Variants in SASH1 observed in about 807,000 individuals in gnomAD.
The protein encoded by SASH1 is SAM and SH3 domain-containing protein 1.
SASH1 carries 44 observed loss-of-function variants against 125.2 expected under a neutral mutation model. The ratio of observed to expected loss-of-function variants is 0.35; its 90% confidence interval spans 0.28 to 0.45. The LOEUF (loss-of-function observed/expected upper bound fraction) is 0.45. Among genes scored for constraint, SASH1 ranks in the 20% least tolerant of loss-of-function variants. The pLI is 1.00. For synonymous variants in SASH1, 639 were observed against 649.1 expected, an observed-to-expected ratio of 0.98 and a Z score of 0.24; for missense variants, 1,426 against 1,614.5, an observed-to-expected ratio of 0.88 and a Z score of 2.00.
intron 4 of SASH1, among the ~76,000 whole-genome samples, chr6:148,448,685 C>CTT (rs1394834063): frequency 1.3e-5 from 2 of 152,240 alleles, no homozygotes; most frequent in East Asian, 3.9e-4. Flanking sequence ...GCTTTGAGCT[C>CTT]TTTAGGTACT....
Position 148,545,963 on chromosome 6 carries a change from A to T in SASH1, c.3349-52A>T. 12 of 1,585,314 alleles carry T rather than the reference A, an allele frequency of 7.6e-6. No individual in the cohort carries two copies. The South Asian group carries it at 1.4e-4, about 18-fold the overall frequency. ...TATATGTGGTGTATCTTAGGGAAAGAAAAACAAAATCCTTATGACTCTTGA... is the reference window on the plus strand; with the variant it reads ...TATATGTGGTGTATCTTAGGGAAAGTAAAACAAAATCCTTATGACTCTTGA... On this transcript the variant is annotated intron_variant, in intron 18 of 19. Coordinates refer to ENST00000367467, the MANE Select transcript of SASH1 (RefSeq NM_015278.5).
chr6:148,471,303 C>G, intron 5 of SASH1, 114 bp from the exon 6 acceptor site: 1 of 665,212 alleles, frequency 1.5e-6, no homozygotes, highest in Non-Finnish European at 2.5e-6. Context: ...TTTGTGAAAT[C>G]AAAGTATTCC....
chr6:148,468,747 A>T (rs553456251), intron 5 of SASH1, 162 bp downstream of exon 5: 75 of 539,286 alleles, frequency 1.4e-4, no homozygotes, highest in East Asian at 1.3e-3. Flanking sequence ...AGGCAGTTTT[A>T]AAAAAATATA....
chr6:148,406,209 T>C (rs1055212068), intron 2 of SASH1, among the ~76,000 whole-genome samples: 3 of 152,126 alleles, frequency 2.0e-5, no homozygotes, highest in African/African-American at 7.2e-5. Flanking sequence ...AGCAATCTGC[T>C]TGTTTTTGTT....
intron 1 of SASH1, among the ~76,000 whole-genome samples, chr6:148,332,096 T>C (rs1163042024): frequency 6.6e-6 from 1 of 152,198 alleles, no homozygotes; most frequent in African/African-American, 2.4e-5. Context: ...AGTTTGCTCT[T>C]AGCTCTTCTC....
chr6:148,540,157 C>T (rs1782130896), intron 16 of SASH1, among the ~76,000 whole-genome samples: 2 of 152,162 alleles, frequency 1.3e-5, no homozygotes, highest in Non-Finnish European at 2.9e-5. Flanking sequence ...TTCTCCTTTC[C>T]TCATAGCCCC....
the SASH1 span, among the ~76,000 whole-genome samples, chr6:148,233,740 T>TAAAAAAA: frequency 8.6e-5 from 1 of 11,692 alleles, no homozygotes; most frequent in Non-Finnish European, 1.3e-4. Context: ...GCTTCCTCTC[T>TAAAAAAA]ACAAAAAAAA....
chr6:148,455,573 G>A (rs540322246), intron 4 of SASH1, among the ~76,000 whole-genome samples: 30 of 152,322 alleles, frequency 2.0e-4, no homozygotes, highest in Middle Eastern at 6.8e-3. Flanking sequence ...CTTGGAGTGA[G>A]TCTAGGTGTG....
chr6:148,406,008 C>G, intron 2 of SASH1, among the ~76,000 whole-genome samples: 1 of 152,278 alleles, frequency 6.6e-6, no homozygotes, highest in South Asian at 2.1e-4. Flanking sequence ...AACTTAGAGA[C>G]ATTTTCTGCA....
intron 2 of SASH1, chr6:148,393,544 G>A (rs1001443753): frequency 4.8e-6 from 1 of 206,626 alleles, no homozygotes; most frequent in South Asian, 1.7e-4. Flanking sequence ...ATCATCCCAT[G>A]GTGTTTGGGA....
intron 1 of SASH1, among the ~76,000 whole-genome samples, chr6:148,386,937 C>G (rs796245143): frequency 2.2e-4 from 34 of 152,106 alleles, no homozygotes; most frequent in African/African-American, 7.2e-4. Context: ...AACAAACATC[C>G]CTAGGTGAAT....
chr6:148,211,381 G>A, the SASH1 span, among the ~76,000 whole-genome samples: 1 of 151,450 alleles, frequency 6.6e-6, no homozygotes, highest in African/African-American at 2.5e-5. Context: ...GACCAGCCTG[G>A]CCAACATTGT....
rs576767257 is a variant in SASH1 at position 148,534,760 on chromosome 6, C to T, written c.1954C>T (p.Pro652Ser). ...LDRINLKEHMPTFLFNGYEDL... is the reference protein window; with the variant it reads ...LDRINLKEHMSTFLFNGYEDL... ...CTTCTCCCTCTCACAGGAGCACATG[C>T]CCACTTTCCTGTTCAATGGATATGA... The change falls in exon 16 of 20, where the codon CCC becomes TCC. Residue 652 changes from proline (P) to serine (S), a missense_variant. By Grantham distance (74) the Pro-to-Ser change is moderately conservative. Coordinates refer to ENST00000367467, the MANE Select transcript of SASH1 (RefSeq NM_015278.5). 2 of 1,614,194 alleles carry T rather than the reference C, an allele frequency of 1.2e-6. No homozygotes were observed. Among genetic ancestry groups the T allele is most frequent in the African/African-American group, 1.3e-5 (1 of 75,054 alleles).
chr6:148,208,328 T>C, the SASH1 span, among the ~76,000 whole-genome samples: 1 of 152,152 alleles, frequency 6.6e-6, no homozygotes, highest in South Asian at 2.1e-4. Context: ...TAAAAAGAGA[T>C]GCATAGGACA....
intron 7 of SASH1, among the ~76,000 whole-genome samples, chr6:148,485,592 C>T (rs535180091): frequency 1.3e-5 from 2 of 152,262 alleles, no homozygotes; most frequent in South Asian, 4.1e-4. Context: ...GGTGGAGGAA[C>T]CGAAACATAG....
In SASH1 at chr6:148,532,553, G is replaced by A. The variant is rs560467332; in HGVS notation, c.1565-244G>A. Among the ~76,000 whole-genome samples the A allele has an allele frequency of 7.9e-5, 12 of 152,238 alleles. No individual in the cohort carries two copies. Among genetic ancestry groups the A allele is most frequent in the South Asian group, 4.2e-4 (2 of 4,814 alleles). ...CAGTGTCCTCCACGCGGGATCCTCC[G>A]TGCCACATGGATTCCCAGGTCATGA... On this transcript the variant is annotated intron_variant, in intron 13 of 19. Transcript: ENST00000367467. This position sits in a 1 kb window ranked among gnomAD's most constrained non-coding sequence, Gnocchi z 4.7.
At chr6:148,208,156 T>C in the SASH1 span, among the ~76,000 whole-genome samples, 1 of 152,126 alleles carries the variant, frequency 6.6e-6, no homozygotes, top group East Asian at 1.9e-4. Context: ...GGCAACATGA[T>C]ATGGAGCTCG....
chr6:148,509,462 T>C (rs1256649403), intron 8 of SASH1: 2 of 156,106 alleles, frequency 1.3e-5, no homozygotes. Flanking sequence ...GTCGTGTGTT[T>C]CGAGCTAGGG....
chr6:148,471,390 T>G lies in SASH1; in HGVS notation c.428-27T>G. On this transcript the variant is annotated intron_variant, in intron 5 of 19. Transcript: ENST00000367467. ...TTATTGCTTGTGCTTTTTGTTCTTT[T>G]TTTTTTTTTTTTTTTTTTTTTTTAA... 3 of 404,418 alleles carry G rather than the reference T, an allele frequency of 7.4e-6. No individual in the cohort carries two copies. In the East Asian group the frequency reaches 3.7e-4, roughly 50 times the overall value. The allele number at this position is 404,418 out of a possible 1,614,324, so 25.1% of individuals were successfully genotyped here.
Sources: allele counts gnomAD v4.1 joint callset (sites outside exome capture counted in the v4.1 genomes callset), GRCh38; gene constraint gnomAD v4.1.1; non-coding constraint Gnocchi (gnomAD v3.1); transcripts MANE v1.5; gene names NCBI Gene and HGNC (gene_info 2026-07-23, HGNC 2026-07-21).